PHLDB2: variants seen among roughly 807,000 people sequenced by gnomAD.
The protein encoded by PHLDB2 is pleckstrin homology like domain family B member 2.
A neutral mutation model predicts 123.6 loss-of-function variants in PHLDB2; 71 were observed. The observed-to-expected ratio is 0.57, with a 90% confidence interval of 0.47 to 0.70. PHLDB2 has a LOEUF of 0.70. Among genes scored for constraint, PHLDB2 ranks in the 30% least tolerant of loss-of-function variants. The probability of loss-of-function intolerance (pLI) is 0.00; values close to 1 mark genes in which losing one functional copy is unlikely to be tolerated. For missense variants in PHLDB2, 1,446 were observed against 1,519.5 expected (o/e 0.95, Z 0.80); for synonymous variants, 547 against 541.6 (o/e 1.01, Z -0.14).
chr3:111,955,373 C>T (rs1181029336), intron 12 of PHLDB2, among the ~76,000 whole-genome samples: 6 of 151,606 alleles, frequency 4.0e-5, no homozygotes, highest in Non-Finnish European at 8.8e-5. Flanking sequence ...AACATAAATC[C>T]ATCTATTTTG....
At chr3:111,915,096 T>A (rs575413825) in intron 3 of PHLDB2, 1 of 152,334 alleles carries the variant, frequency 6.6e-6, no homozygotes, top group South Asian at 2.1e-4. Flanking sequence ...AAGGTAGATT[T>A]ACTTATTTAG....
At chr3:111,900,363 G>C (rs116200707) in intron 2 of PHLDB2, among the ~76,000 whole-genome samples, 1 of 152,122 alleles carries the variant, frequency 6.6e-6, no homozygotes, top group South Asian at 2.1e-4. Context: ...AAGCTTAATC[G>C]TTTCTAGCTT....
chr3:111,872,039 A>G (rs1462230973), intron 1 of PHLDB2, among the ~76,000 whole-genome samples: 6 of 152,232 alleles, frequency 3.9e-5, no homozygotes, highest in Non-Finnish European at 8.8e-5. Context: ...AAATAACAAG[A>G]GCACTGGGTG....
At chr3:111,810,333 GCCATAACAAATA>G (rs1378309594) in intron 1 of PHLDB2, among the ~76,000 whole-genome samples, 4 of 152,148 alleles carry the variant, frequency 2.6e-5, no homozygotes, top group Non-Finnish European at 5.9e-5. Flanking sequence ...TCCTCAGGCT[GCCATAACAAATA>G]CTATAGACTG....
At chr3:111,737,688 C>CT (rs11433113) in intron 1 of PHLDB2, among the ~76,000 whole-genome samples, 51,953 of 149,738 alleles carry the variant, frequency 0.35, 10,815 homozygotes, top group African/African-American at 0.59. Flanking sequence ...CCCACAAAGT[C>CT]TTTTTTTTTT....
At chr3:111,791,620 G>A (rs567391092) in intron 1 of PHLDB2, among the ~76,000 whole-genome samples, 2 of 152,178 alleles carry the variant, frequency 1.3e-5, no homozygotes, top group South Asian at 4.2e-4. Flanking sequence ...TAATGAAATG[G>A]TTATAAAATG....
chr3:111,924,950 T>C (rs2015396), intron 5 of PHLDB2, among the ~76,000 whole-genome samples: 72,537 of 151,876 alleles, frequency 0.48, 18,362 homozygotes, highest in Non-Finnish European at 0.57. Context: ...TGCCTCAGCC[T>C]CCCGAGTAGT....
chr3:111,759,097 G>A (rs1424102154), intron 1 of PHLDB2, among the ~76,000 whole-genome samples: 1 of 151,324 alleles, frequency 6.6e-6, no homozygotes, highest in Non-Finnish European at 1.5e-5. Context: ...TTATATATGT[G>A]CATAAATATC....
chr3:111,755,665 G>A (rs1458924472), intron 1 of PHLDB2, among the ~76,000 whole-genome samples: 3 of 127,734 alleles, frequency 2.3e-5, no homozygotes, highest in Non-Finnish European at 4.7e-5. Context: ...GTTCCGCTCT[G>A]ATTTTAGTTA....
intron 3 of PHLDB2, 105 bp from the exon 4 acceptor site, chr3:111,918,967 G>A (rs2068340749): frequency 2.1e-5 from 25 of 1,163,048 alleles, no homozygotes; most frequent in Non-Finnish European, 2.9e-5. Context: ...ATCTACATGG[G>A]CATGGAGACT....
chr3:111,972,675 A>G (rs2072286182), intron 16 of PHLDB2, among the ~76,000 whole-genome samples: 3 of 151,720 alleles, frequency 2.0e-5, no homozygotes. Context: ...TAGTATTTCA[A>G]GGGTTTTTTC....
chr3:111,781,009 G>A (rs4416359), intron 1 of PHLDB2, among the ~76,000 whole-genome samples: 142,265 of 152,100 alleles, frequency 0.94, 66,589 homozygotes, highest in East Asian at 1. Flanking sequence ...GTGAATGATC[G>A]TCATCCATTA....
At chr3:111,765,527 C>T (rs2060063971) in intron 1 of PHLDB2, among the ~76,000 whole-genome samples, 1 of 152,284 alleles carries the variant, frequency 6.6e-6, no homozygotes, top group South Asian at 2.1e-4. Context: ...GAAAGATAAT[C>T]GATCCAAAAA....
chr3:111,766,831 A>C (rs1362724108), intron 1 of PHLDB2, among the ~76,000 whole-genome samples: 2 of 152,060 alleles, frequency 1.3e-5, no homozygotes, highest in Non-Finnish European at 2.9e-5. Context: ...TCAGGAGTTC[A>C]AGACCAGCCT....
At chr3:111,933,121 C>T (rs1213882985) in intron 6 of PHLDB2, among the ~76,000 whole-genome samples, 3 of 152,228 alleles carry the variant, frequency 2.0e-5, no homozygotes, top group Non-Finnish European at 2.9e-5. Context: ...AACACTGGCA[C>T]AGCCACTTAA....
chr3:111,798,903 C>G (rs971906858), intron 1 of PHLDB2, among the ~76,000 whole-genome samples: 1 of 152,124 alleles, frequency 6.6e-6, no homozygotes, highest in Non-Finnish European at 1.5e-5. Context: ...CTAATAAAGA[C>G]ATACCCAAGA....
intron 10 of PHLDB2, chr3:111,949,691 C>A: frequency 1.0e-6 from 1 of 978,918 alleles, no homozygotes; most frequent in Non-Finnish European, 1.2e-6. Flanking sequence ...CCTTTTCTTT[C>A]TCCTATAAAG....
Position 111,952,717 on chromosome 3 carries a change from GACCTGGGAGA to G in PHLDB2, c.2772+7_2772+16del. ...GGGAGAAGCATCACCCCAAAGGTAG[GACCTGGGAGA>G]AACCACGGGCTTCCCATTCCATGAG... is the stretch of plus-strand genomic sequence containing the variant. On this transcript the variant is annotated splice_donor_region_variant and intron_variant, in intron 11 of 17. Transcript: ENST00000431670. 6.2e-7 allele frequency: 1 copy of G among 1,607,092 alleles called. No homozygotes were observed. The highest frequency in any genetic ancestry group is 8.5e-7 in the Non-Finnish European group (1 of 1,178,204).
At chr3:111,952,502 T>C in intron 10 of PHLDB2, 70 bp from the exon 11 acceptor site, 4 of 1,526,808 alleles carry the variant, frequency 2.6e-6, no homozygotes, top group Non-Finnish European at 3.5e-6. Context: ...AGTGCATAAT[T>C]CTTCATTTCT....
Sources: gnomAD v4.1 joint callset for allele counts (sites outside exome capture counted in the v4.1 genomes callset) on GRCh38, gnomAD v4.1.1 for gene constraint, MANE v1.5 for transcripts, NCBI Gene and HGNC (gene_info 2026-07-23, HGNC 2026-07-21) for gene names.